CNTNAP2: variants seen among roughly 807,000 people sequenced by gnomAD.
CNTNAP2 encodes contactin associated protein 2.
CNTNAP2 carries 98 observed loss-of-function variants against 155.2 expected under a neutral mutation model. That is an observed-to-expected ratio of 0.63 (90% CI 0.54 to 0.75). The LOEUF is 0.75. CNTNAP2 is among the 30% of genes least tolerant of loss of function. CNTNAP2 has a pLI of 0.00. For missense variants in CNTNAP2, 1,727 were observed against 1,688.1 expected, an observed-to-expected ratio of 1.02 and a Z score of -0.40; for synonymous variants, 651 against 631.2, an observed-to-expected ratio of 1.03 and a Z score of -0.47.
intron 15 of CNTNAP2, among the ~76,000 whole-genome samples, chr7:147,978,648 C>T (rs1399548705): frequency 1.3e-5 from 2 of 152,076 alleles, no homozygotes; most frequent in Non-Finnish European, 1.5e-5. Flanking sequence ...TGATACCCTT[C>T]GGTGTGCTTT....
chr7:147,385,686 C>G (rs1299624711), intron 9 of CNTNAP2, among the ~76,000 whole-genome samples: 1 of 152,190 alleles, frequency 6.6e-6, no homozygotes, highest in Non-Finnish European at 1.5e-5. Context: ...AGGTATAGCC[C>G]CCTTCCTGGC....
intron 13 of CNTNAP2, among the ~76,000 whole-genome samples, chr7:147,840,223 T>C (rs752857629): frequency 1.3e-5 from 2 of 152,136 alleles, no homozygotes; most frequent in Non-Finnish European, 2.9e-5. Context: ...TGTACACTAT[T>C]TGGGTGATAG....
intron 1 of CNTNAP2, among the ~76,000 whole-genome samples, chr7:146,204,838 A>G (rs1798921765): frequency 6.6e-6 from 1 of 151,976 alleles, no homozygotes; most frequent in Admixed American, 6.6e-5. Context: ...TCCTATTTTT[A>G]CCATGCAATG....
At chr7:147,253,252 T>C (rs1023756127) in intron 8 of CNTNAP2, among the ~76,000 whole-genome samples, 1 of 152,172 alleles carries the variant, frequency 6.6e-6, no homozygotes, top group African/African-American at 2.4e-5. Context: ...ATTCACCATG[T>C]TATTCTGGAA....
At chr7:147,114,123 T>G (rs1301669905) in intron 5 of CNTNAP2, among the ~76,000 whole-genome samples, 1 of 152,202 alleles carries the variant, frequency 6.6e-6, no homozygotes, top group Non-Finnish European at 1.5e-5. Context: ...GTTGTGTCGT[T>G]TTGAGAGAAT....
At chr7:147,669,847 C>T (rs577034629) in intron 13 of CNTNAP2, among the ~76,000 whole-genome samples, 88 of 152,304 alleles carry the variant, frequency 5.8e-4, no homozygotes, top group Non-Finnish European at 1.9e-4. Flanking sequence ...TATTTATTCG[C>T]TACCATAAAC....
intron 13 of CNTNAP2, among the ~76,000 whole-genome samples, chr7:147,768,871 G>GT (rs11423657): frequency 0.45 from 68,454 of 151,502 alleles, 18,264 homozygotes; most frequent in African/African-American, 0.75. Context: ...TTAGCAAATA[G>GT]CTTTGCTAAA....
chr7:147,894,072 T>C (rs1046958429), intron 13 of CNTNAP2: 10 of 152,212 alleles, frequency 6.6e-5, no homozygotes, highest in Non-Finnish European at 1.0e-4. Flanking sequence ...AAATTCCTTC[T>C]CTGCTCCATC....
At chr7:146,121,287 C>T (rs1356155421) in intron 1 of CNTNAP2, among the ~76,000 whole-genome samples, 1 of 151,862 alleles carries the variant, frequency 6.6e-6, no homozygotes, top group East Asian at 1.9e-4. Flanking sequence ...CACCACCATG[C>T]CCGGCTAATT....
At chr7:146,473,989 C>T (rs1350836237) in intron 1 of CNTNAP2, among the ~76,000 whole-genome samples, 2 of 152,144 alleles carry the variant, frequency 1.3e-5, no homozygotes, top group East Asian at 1.9e-4. Context: ...TCTGACCTAG[C>T]TAACTGGGTG....
intron 21 of CNTNAP2, among the ~76,000 whole-genome samples, chr7:148,289,506 T>G (rs10215983): frequency 6.1e-5 from 9 of 147,400 alleles, no homozygotes; most frequent in East Asian, 3.9e-4. Context: ...CCAACTTACT[T>G]GGTTTTTTTC....
At position 148,366,620 on chromosome 7, in the gene CNTNAP2, T is replaced by C. The variant is rs541954958; in HGVS notation, c.3476-17029T>C. ...GCAGATAGCATCACGGCTAAAGAAA[T>C]AGAATCTTTTGAAGACAATAACTAT... On this transcript the variant is annotated intron_variant, in intron 21 of 23. Transcript: ENST00000361727. 2.5e-3 allele frequency among the ~76,000 whole-genome samples: 376 copies of C among 152,310 alleles called. 2 individuals carry two copies. The highest frequency in any genetic ancestry group is 8.1e-3 in the African/African-American group (338 of 41,564).
rs190367500 is a variant in CNTNAP2, at chr7:147,937,684, G to A, written c.2255+33963G>A. Among the ~76,000 whole-genome samples the A allele has an allele frequency of 1.6e-3, 243 of 152,246 alleles. 1 individual carries two copies. Among genetic ancestry groups the A allele is most frequent in the African/African-American group, 5.2e-3 (215 of 41,554 alleles). On this transcript the variant is annotated intron_variant, in intron 14 of 23. Transcript: ENST00000361727. ...CAGATCCTGCCTGAGTCCACTGAAT[G>A]AAAGCAACAACTCCTGCGTGTCACT...
intron 11 of CNTNAP2, among the ~76,000 whole-genome samples, chr7:147,559,548 A>G (rs1800018615): frequency 6.6e-6 from 1 of 152,224 alleles, no homozygotes; most frequent in Non-Finnish European, 1.5e-5. Context: ...TGTTGTAAAC[A>G]AGATACCAAA....
chr7:148,134,568 A>G (rs1804898470), intron 16 of CNTNAP2, among the ~76,000 whole-genome samples: 1 of 152,214 alleles, frequency 6.6e-6, no homozygotes, highest in Non-Finnish European at 1.5e-5. Context: ...TTCTAAAAAT[A>G]GGGAAGAAAT....
chr7:148,303,089 A>G (rs1797423903), intron 21 of CNTNAP2, among the ~76,000 whole-genome samples: 1 of 152,116 alleles, frequency 6.6e-6, no homozygotes, highest in South Asian at 2.1e-4. Flanking sequence ...CTTGGATTAC[A>G]GGCATGAGCC....
At chr7:147,862,666 C>T (rs1413485819) in intron 13 of CNTNAP2, among the ~76,000 whole-genome samples, 1 of 151,996 alleles carries the variant, frequency 6.6e-6, no homozygotes, top group African/African-American at 2.4e-5. Flanking sequence ...TATACACATA[C>T]ACACACATAT....
intron 20 of CNTNAP2, among the ~76,000 whole-genome samples, chr7:148,237,946 C>T (rs771716339): frequency 7.2e-5 from 11 of 152,184 alleles, no homozygotes; most frequent in Admixed American, 2.0e-4. Context: ...AGGTAGTGCT[C>T]AAAGCCCTTT....
chr7:147,056,619 A>G (rs966935698), intron 4 of CNTNAP2, among the ~76,000 whole-genome samples: 2 of 152,204 alleles, frequency 1.3e-5, no homozygotes, highest in African/African-American at 4.8e-5. Context: ...AATAATGTAT[A>G]CTTACTAATG....
Sources: gnomAD v4.1 joint callset for allele counts (sites outside exome capture counted in the v4.1 genomes callset) on GRCh38, gnomAD v4.1.1 for gene constraint, MANE v1.5 for transcripts, NCBI Gene and HGNC (gene_info 2026-07-23, HGNC 2026-07-21) for gene names.